Variants in SORBS2 observed in about 807,000 individuals in gnomAD.
The protein encoded by SORBS2 is sorbin and SH3 domain containing 2.
In SORBS2, 46 loss-of-function variants were observed where a neutral mutation model predicts 97.7. The observed-to-expected ratio is 0.47, with a 90% CI of 0.37 to 0.60. The LOEUF is 0.60. SORBS2 is among the 20% of genes least tolerant of loss of function. SORBS2 has a pLI of 0.00. For synonymous variants in SORBS2, 476 were observed against 473.4 expected, an observed-to-expected ratio of 1.01 and a Z score of -0.07; for missense variants, 1,316 against 1,282.3, an observed-to-expected ratio of 1.03 and a Z score of -0.40.
At chr4:185,652,197 A>G (rs1437436826) in intron 2 of SORBS2, among the ~76,000 whole-genome samples, 1 of 152,056 alleles carries the variant, frequency 6.6e-6, no homozygotes, top group Non-Finnish European at 1.5e-5. Context: ...GTAGCATGCA[A>G]AGTCAGGCCC....
chr4:185,913,555 A>T (rs2099256489), intron 1 of SORBS2, among the ~76,000 whole-genome samples: 1 of 152,192 alleles, frequency 6.6e-6, no homozygotes, highest in South Asian at 2.1e-4. Context: ...GGTAAGACTG[A>T]AGAAGTCACT....
intron 12 of SORBS2, among the ~76,000 whole-genome samples, chr4:185,601,862 A>G (rs1291017922): frequency 6.6e-6 from 1 of 152,198 alleles, no homozygotes; most frequent in Non-Finnish European, 1.5e-5. Flanking sequence ...TGGTGGGACC[A>G]CAACCACTGA....
intron 1 of SORBS2, among the ~76,000 whole-genome samples, chr4:185,891,595 GC>G (rs1432898121): frequency 6.6e-6 from 1 of 152,050 alleles, no homozygotes; most frequent in South Asian, 2.1e-4. Context: ...ACCACCAATG[GC>G]TCCACTCGGA....
intron 2 of SORBS2, among the ~76,000 whole-genome samples, chr4:185,760,750 T>G (rs768550062): frequency 3.3e-5 from 5 of 152,202 alleles, no homozygotes; most frequent in Non-Finnish European, 5.9e-5. Flanking sequence ...GATAAAAGTG[T>G]GCAGTGCATT....
chr4:185,712,880 A>C (rs1186521900), intron 2 of SORBS2, among the ~76,000 whole-genome samples: 10 of 151,972 alleles, frequency 6.6e-5, no homozygotes. Flanking sequence ...GTCTCTTTAA[A>C]ATCTCTCCAG....
At chr4:185,787,853 A>G (rs772223836) in intron 1 of SORBS2, among the ~76,000 whole-genome samples, 6 of 152,184 alleles carry the variant, frequency 3.9e-5, no homozygotes, top group African/African-American at 2.4e-5. Flanking sequence ...TTTTCATTTA[A>G]CCTTGAATCA....
At chr4:185,728,719 T>C (rs1435823972) in intron 2 of SORBS2, among the ~76,000 whole-genome samples, 1 of 152,252 alleles carries the variant, frequency 6.6e-6, no homozygotes, top group Non-Finnish European at 1.5e-5. Context: ...AATGCTATTT[T>C]CTTCTCTCCC....
intron 1 of SORBS2, among the ~76,000 whole-genome samples, chr4:185,838,378 G>A (rs774695247): frequency 2.6e-5 from 4 of 152,230 alleles, no homozygotes; most frequent in Non-Finnish European, 4.4e-5. Context: ...TGCCAGGGGC[G>A]TCAGAACCCT....
At chr4:185,822,363 C>T (rs1257764002) in intron 1 of SORBS2, among the ~76,000 whole-genome samples, 1 of 152,194 alleles carries the variant, frequency 6.6e-6, no homozygotes, top group African/African-American at 2.4e-5. Context: ...GATCCTGAGA[C>T]CCCCAAAGAG....
chr4:185,884,800 G>A (rs1277403987), intron 1 of SORBS2, among the ~76,000 whole-genome samples: 1 of 152,164 alleles, frequency 6.6e-6, no homozygotes, highest in Non-Finnish European at 1.5e-5. Flanking sequence ...AGACAGTAGG[G>A]AGTTTCTTTA....
chr4:185,625,795 C>T (rs945890479), intron 6 of SORBS2, among the ~76,000 whole-genome samples: 1 of 152,252 alleles, frequency 6.6e-6, no homozygotes, highest in African/African-American at 2.4e-5. Context: ...CATCCACCTA[C>T]TCAGAGTCCA....
intron 1 of SORBS2, among the ~76,000 whole-genome samples, chr4:185,943,530 G>A (rs1429918463): frequency 6.6e-6 from 1 of 152,126 alleles, no homozygotes; most frequent in East Asian, 1.9e-4. Flanking sequence ...TTACAATAAA[G>A]CAATCACACA....
chr4:185,838,291 C>T (rs900246890), intron 1 of SORBS2, among the ~76,000 whole-genome samples: 2 of 152,246 alleles, frequency 1.3e-5, no homozygotes, highest in African/African-American at 2.4e-5. Flanking sequence ...AAGCCATGGC[C>T]GCAGCCTCTG....
intron 2 of SORBS2, among the ~76,000 whole-genome samples, chr4:185,713,294 C>T (rs1364965972): frequency 6.6e-6 from 1 of 152,212 alleles, no homozygotes. Flanking sequence ...GCTCCAGCAC[C>T]TCTGTATCAG....
chr4:185,889,237 C>T (rs1440030900), intron 1 of SORBS2, among the ~76,000 whole-genome samples: 1 of 152,198 alleles, frequency 6.6e-6, no homozygotes, highest in East Asian at 1.9e-4. Context: ...TCAATCAATC[C>T]CTCTCTGTTT....
At chr4:185,690,484 T>G (rs1335402707) in intron 2 of SORBS2, 78 bp downstream of exon 4, 2 of 826,672 alleles carry the variant, frequency 2.4e-6, no homozygotes, top group African/African-American at 1.7e-5. Context: ...ATCAGAAGAG[T>G]GCTAAACTAA....
In SORBS2 at chr4:185,648,944, T is replaced by C. The variant is rs1229414055; in HGVS notation, c.281+523A>G. On this transcript the variant is annotated intron_variant, in intron 3 of 14. Coordinates refer to ENST00000418609, the Ensembl canonical transcript of SORBS2. ...AAATAACACAATAAAAAAGTGTTTA[T>C]AAATTTTTATTTTCATGTAGATAGT... 2.6e-5 allele frequency among the ~76,000 whole-genome samples: 4 copies of C among 152,232 alleles called. No individual in the cohort carries two copies. In the South Asian group the frequency reaches 6.2e-4, roughly 24 times the overall value.
chr4:185,682,847 C>T (rs774192831), intron 2 of SORBS2, among the ~76,000 whole-genome samples: 2 of 151,578 alleles, frequency 1.3e-5, no homozygotes, highest in Non-Finnish European at 2.9e-5. Context: ...CAGGTCTCTA[C>T]TAAAAAAAAT....
intron 1 of SORBS2, among the ~76,000 whole-genome samples, chr4:185,827,273 T>C (rs1585258227): frequency 3.0e-5 from 3 of 100,800 alleles, no homozygotes; most frequent in Non-Finnish European, 6.5e-5. Context: ...ATCACCATCA[T>C]CACCATCATC....
Sources: gnomAD v4.1 joint callset for allele counts (sites outside exome capture counted in the v4.1 genomes callset) on GRCh38, gnomAD v4.1.1 for gene constraint, MANE v1.5 for transcripts, NCBI Gene and HGNC (gene_info 2026-07-23, HGNC 2026-07-21) for gene names.